Variants in NAA15 observed in about 807,000 individuals in gnomAD.
NAA15 encodes N-alpha-acetyltransferase 15, NatA auxiliary subunit.
In NAA15, 34 loss-of-function variants were observed where a neutral mutation model predicts 114.0. The observed-to-expected ratio is 0.30, with a 90% confidence interval of 0.23 to 0.40. The LOEUF is 0.40. Ranked by LOEUF, NAA15 falls within the 10% of genes least tolerant of loss-of-function variation. The pLI, the probability that NAA15 is intolerant of heterozygous loss-of-function variation, is 1.00. For missense variants in NAA15, 658 were observed against 1,004.5 expected (o/e 0.66, Z 4.66); for synonymous variants, 340 against 338.0 (o/e 1.01, Z -0.06).
intron 3 of NAA15, among the ~76,000 whole-genome samples, chr4:139,337,293 G>T (rs950251667): frequency 1.3e-5 from 2 of 152,196 alleles, no homozygotes; most frequent in African/African-American, 4.8e-5. Flanking sequence ...GTGGTAGGTG[G>T]TGGGTCTCAA....
intron 14 of NAA15, among the ~76,000 whole-genome samples, chr4:139,368,531 C>T (rs1748346993): frequency 3.3e-5 from 5 of 152,208 alleles, no homozygotes; most frequent in Admixed American, 3.3e-4. Flanking sequence ...CTTGGCCATA[C>T]ATTGGTCTTT....
intron 1 of NAA15, among the ~76,000 whole-genome samples, chr4:139,304,970 A>G (rs757669330): frequency 2.2e-4 from 34 of 151,836 alleles, no homozygotes; most frequent in Non-Finnish European, 4.4e-4. Flanking sequence ...TGTAGTGGCT[A>G]TTTATAGGCT....
chr4:139,374,486 G>A lies in NAA15; in HGVS notation c.1948-1879G>A, dbSNP rs564779992. ...TATCTTGGTGTGAACATCTTGCTGT[G>A]GTGATTGTCAGTTTGGTATTGAAAA... On this transcript the variant is annotated intron_variant, in intron 15 of 19. Coordinates refer to ENST00000296543, the MANE Select transcript of NAA15 (RefSeq NM_057175.5). 3.9e-5 allele frequency among the ~76,000 whole-genome samples: 6 copies of A among 152,178 alleles called. No individual in the cohort carries two copies. The East Asian group carries it at 1.2e-3, about 29-fold the overall frequency.
At chr4:139,315,721 C>T (rs1284989184) in intron 1 of NAA15, among the ~76,000 whole-genome samples, 1 of 151,670 alleles carries the variant, frequency 6.6e-6, no homozygotes, top group Non-Finnish European at 1.5e-5. Context: ...GAATTGATCT[C>T]ATCTTTGGTT....
chr4:139,341,324 G>A (rs1468516859), intron 4 of NAA15, among the ~76,000 whole-genome samples: 1 of 151,700 alleles, frequency 6.6e-6, no homozygotes, highest in Admixed American at 6.6e-5. Flanking sequence ...GGCCAGGTGC[G>A]GTGGCTCACG....
intron 16 of NAA15, among the ~76,000 whole-genome samples, chr4:139,377,829 T>A (rs1385194440): frequency 6.6e-6 from 1 of 152,158 alleles, no homozygotes; most frequent in Non-Finnish European, 1.5e-5. Flanking sequence ...ACTTTAACAG[T>A]TAATACAACT....
At chr4:139,314,996 TTC>T (rs1746337828) in intron 1 of NAA15, among the ~76,000 whole-genome samples, 2 of 57,308 alleles carry the variant, frequency 3.5e-5, no homozygotes, top group East Asian at 9.4e-4. Flanking sequence ...TTCAGTTCAG[TTC>T]AGTTTAGTTT....
At position 139,354,032 on chromosome 4, in the gene NAA15, A is replaced by G. The variant is rs1747863606; in HGVS notation, c.1021A>G (p.Ile341Val). ...SLYKDKEKVA[I>V]IEELVVGYET... ...TTGTGTGTTTGTACTCTAGGTGGCAATCATAGAAGAGTTAGTAGTAGGTTA... is the reference window on the plus strand; with the variant it reads ...TTGTGTGTTTGTACTCTAGGTGGCAGTCATAGAAGAGTTAGTAGTAGGTTA... Residue 341 changes from isoleucine to valine, a missense_variant, in exon 10 of 20, where the codon ATC becomes GTC. Transcript: ENST00000296543. The G allele has an allele frequency of 6.2e-7, 1 of 1,612,990 alleles. No homozygotes were observed. The highest frequency in any genetic ancestry group is 1.1e-5 in the South Asian group (1 of 90,850).
In NAA15 at chr4:139,316,613, C is replaced by T. The variant is rs149671695; in HGVS notation, c.54+14782C>T. On this transcript the variant is annotated intron_variant, in intron 1 of 19. Transcript: ENST00000296543. ...GTAAGCGTTTTTGATGTGTTTTCGT[C>T]TGCCCAAGTATTTTACTTTTTATTC... is the stretch of plus-strand genomic sequence containing the variant. Among the ~76,000 whole-genome samples the T allele has an allele frequency of 3.4e-4, 52 of 151,978 alleles. 3 individuals are homozygous for T. In the East Asian group the frequency reaches 4.5e-3, roughly 13 times the overall value.
chr4:139,376,290 G>C (rs1748578206), intron 15 of NAA15, 75 bp from the exon 16 acceptor site: 2 of 924,588 alleles, frequency 2.2e-6, no homozygotes, highest in Admixed American at 4.9e-5. Flanking sequence ...TTAAAAATAA[G>C]AATTTTTAGT....
intron 1 of NAA15, among the ~76,000 whole-genome samples, chr4:139,305,502 T>C (rs1348944166): frequency 1.3e-5 from 2 of 151,866 alleles, no homozygotes; most frequent in Non-Finnish European, 2.9e-5. Flanking sequence ...ATGTGTGTGC[T>C]CTATGTAATC....
intron 16 of NAA15, 152 bp from the exon 17 acceptor site, chr4:139,378,604 T>A (rs1433113931): frequency 7.1e-6 from 3 of 421,764 alleles, no homozygotes; most frequent in Non-Finnish European, 1.2e-5. Flanking sequence ...CTAATGTTGC[T>A]AAATTTGAGG....
At chr4:139,366,011 C>G (rs905080575) in intron 14 of NAA15, among the ~76,000 whole-genome samples, 3 of 138,540 alleles carry the variant, frequency 2.2e-5, no homozygotes, top group Middle Eastern at 3.5e-3. Flanking sequence ...TTTTTGGTCT[C>G]TATTAGAATT....
chr4:139,302,010 C>A, intron 1 of NAA15, 179 bp downstream of exon 1: 3 of 575,502 alleles, frequency 5.2e-6, no homozygotes, highest in Non-Finnish European at 8.6e-6. Context: ...ATGGCCCGCG[C>A]GCCAGGGACC....
rs1746349058 is a variant in NAA15 at position 139,315,012 on chromosome 4, TTAGGTTAGGTTAGGTTAGG to T, written c.54+13183_54+13201del. 1.7e-4 allele frequency among the ~76,000 whole-genome samples: 18 copies of T among 106,156 alleles called. 3 individuals are homozygous for T. Among genetic ancestry groups the T allele is most frequent in the African/African-American group, 5.2e-4 (12 of 23,096 alleles). The allele number at this position is 106,156 out of a possible 152,430, so 69.6% of individuals were successfully genotyped here. On this transcript the variant is annotated intron_variant, in intron 1 of 19. Transcript: ENST00000296543. ...TCAGTTCAGTTCAGTTTAGTTTAGG[TTAGGTTAGGTTAGGTTAGG>T]TTAGGTTAGGTTAGGTTAGGTTAGT...
chr4:139,368,931 A>C (rs1748357341), intron 14 of NAA15, among the ~76,000 whole-genome samples: 1 of 152,214 alleles, frequency 6.6e-6, no homozygotes, highest in Non-Finnish European at 1.5e-5. Flanking sequence ...CATATTTGTC[A>C]GTGATTTCCA....
chr4:139,387,686 A>G (rs1748946233), intron 19 of NAA15, among the ~76,000 whole-genome samples, 198 bp from the exon 20 acceptor site: 1 of 152,228 alleles, frequency 6.6e-6, no homozygotes, highest in African/African-American at 2.4e-5. Context: ...AGCCTTTTGT[A>G]TAAATCCTGC....
At chr4:139,375,856 A>G (rs1472249712) in intron 15 of NAA15, among the ~76,000 whole-genome samples, 3 of 149,196 alleles carry the variant, frequency 2.0e-5, no homozygotes, top group Non-Finnish European at 4.4e-5. Flanking sequence ...TTAAAATGCC[A>G]CCTCACCATT....
chr4:139,349,435 A>ATTTTT (rs11297960), intron 6 of NAA15, 27 bp from the exon 7 acceptor site: 1 of 1,122,726 alleles, frequency 8.9e-7, no homozygotes, highest in Non-Finnish European at 1.2e-6. Context: ...AGATATTAAA[A>ATTTTT]TTTTTTTTTT....
Sources: allele counts gnomAD v4.1 joint callset (sites outside exome capture counted in the v4.1 genomes callset), GRCh38; gene constraint gnomAD v4.1.1; transcripts MANE v1.5; gene names NCBI Gene and HGNC (gene_info 2026-07-23, HGNC 2026-07-21).